Variants in FHIP2A observed in about 807,000 individuals in gnomAD.
FHIP2A encodes FHF complex subunit HOOK interacting protein 2A.
Under a neutral mutation model 93.5 loss-of-function variants are expected in FHIP2A, and 46 were observed. That is an observed-to-expected ratio of 0.49 (90% CI 0.39 to 0.63). The LOEUF is 0.63. Ranked by LOEUF, FHIP2A falls within the 20% of genes least tolerant of loss-of-function variation. The pLI is 0.00. For missense variants in FHIP2A, 769 were observed against 909.7 expected (o/e 0.85, Z 1.99); for synonymous variants, 332 against 326.5 (o/e 1.02, Z -0.18).
rs749103089 is a variant in FHIP2A, at chr10:114,862,925, C to T, written c.*1385C>T. 3.1e-5 allele frequency: 31 copies of T among 985,280 alleles called. No individual in the cohort carries two copies. Among genetic ancestry groups the T allele is most frequent in the South Asian group, 4.7e-5 (1 of 21,284 alleles). The allele number at this position is 985,280 out of a possible 1,614,324, so 61.0% of individuals were successfully genotyped here. The stretch of plus-strand genomic sequence containing the variant: ...ATTTTATGTAGCATGTTTGCATATA[C>T]GCATTGTGTGGCATGTGCATAGAGG... On this transcript the variant is annotated 3_prime_UTR_variant, in exon 17 of 17. Transcript: ENST00000369248.
chr10:114,880,596 C>G (rs1280750559), intron 16 of FHIP2A, among the ~76,000 whole-genome samples: 1 of 151,986 alleles, frequency 6.6e-6, no homozygotes, highest in African/African-American at 2.4e-5. Context: ...AGGAGAATCA[C>G]TTGAACCTGG....
At chr10:114,870,471 C>T (rs1029488711) in intron 16 of FHIP2A, among the ~76,000 whole-genome samples, 1 of 152,150 alleles carries the variant, frequency 6.6e-6, no homozygotes, top group African/African-American at 2.4e-5. Flanking sequence ...GGCTACTCCA[C>T]TTACACAAAG....
At chr10:114,859,800 T>C (rs973130191) in intron 14 of FHIP2A, among the ~76,000 whole-genome samples, 1 of 152,168 alleles carries the variant, frequency 6.6e-6, no homozygotes, top group African/African-American at 2.4e-5. Flanking sequence ...GATATACAGT[T>C]GTTTGGAGAA....
intron 6 of FHIP2A, among the ~76,000 whole-genome samples, 191 bp from the exon 7 acceptor site, chr10:114,843,550 C>T (rs917583135): frequency 4.6e-5 from 7 of 152,076 alleles, no homozygotes; most frequent in African/African-American, 7.2e-5. Flanking sequence ...CTGATCCACC[C>T]GCCTTGGCCT....
At chr10:114,875,214 C>T (rs1251646622) in intron 16 of FHIP2A, among the ~76,000 whole-genome samples, 2 of 152,166 alleles carry the variant, frequency 1.3e-5, no homozygotes, top group Middle Eastern at 3.2e-3. Flanking sequence ...TGCGGAAGGA[C>T]TGCTGTGGAT....
chr10:114,832,504 C>T (rs1046705701), intron 2 of FHIP2A, among the ~76,000 whole-genome samples: 4 of 151,912 alleles, frequency 2.6e-5, no homozygotes, highest in African/African-American at 9.7e-5. Flanking sequence ...ATGTTCAAGG[C>T]CAACCTATTT....
At chr10:114,841,300 T>C (rs1409222292) in intron 5 of FHIP2A, among the ~76,000 whole-genome samples, 1 of 150,620 alleles carries the variant, frequency 6.6e-6, no homozygotes, top group Non-Finnish European at 1.5e-5. Flanking sequence ...TGGTTTTTTT[T>C]TTTTTTTTTT....
At chr10:114,845,884 AAG>A (rs1303816160) in intron 8 of FHIP2A, 127 bp from the exon 9 acceptor site, 45 of 686,592 alleles carry the variant, frequency 6.6e-5, no homozygotes, top group Non-Finnish European at 9.1e-5. Context: ...TGCCACCAAT[AAG>A]AGGGTCATTA....
intron 3 of FHIP2A, 107 bp from the exon 4 acceptor site, chr10:114,835,430 G>A (rs2083631532): frequency 3.3e-6 from 2 of 603,468 alleles, no homozygotes; most frequent in Non-Finnish European, 6.0e-6. Flanking sequence ...TCTTTTCAAG[G>A]TGGAATACAT....
At chr10:114,884,807 G>A (rs912832291) in intron 16 of FHIP2A, among the ~76,000 whole-genome samples, 3 of 151,868 alleles carry the variant, frequency 2.0e-5, no homozygotes, top group African/African-American at 7.3e-5. Context: ...CCAGGTACTT[G>A]GGAGGCTGAG....
intron 16 of FHIP2A, chr10:114,899,413 A>G: frequency 1.4e-6 from 1 of 714,286 alleles, no homozygotes; most frequent in Non-Finnish European, 2.6e-6. Flanking sequence ...ACATAGTTAG[A>G]TCCGTATGCT....
rs999804076 is a variant in FHIP2A at position 114,886,561 on chromosome 10, T to C, written c.2193-12929T>C. Among the ~76,000 whole-genome samples the C allele has an allele frequency of 2.0e-5, 3 of 152,210 alleles. No homozygotes were observed. The East Asian group carries it at 5.8e-4, about 29-fold the overall frequency. On this transcript the variant is annotated intron_variant, in intron 16 of 16. Transcript: ENST00000369250. ...TTTGTGTTTTGGTTTTTGGGTTTTTTTGAGACAGAGTCTCGCTTTGTCACC... is the reference window on the plus strand; with the variant it reads ...TTTGTGTTTTGGTTTTTGGGTTTTTCTGAGACAGAGTCTCGCTTTGTCACC...
rs2083818586 is a variant in FHIP2A at position 114,864,461 on chromosome 10, T to A, written c.*2921T>A. 1.0e-6 allele frequency: 1 copy of A among 985,756 alleles called. No homozygotes were observed. The highest frequency in any genetic ancestry group is 1.7e-5 in the African/African-American group (1 of 57,248). 61.1% of individuals were successfully genotyped at this position (985,756 alleles called of 1,614,324 possible). ...CTGTAAAATAGTGTTACTGTAATAC[T>A]CTGTTTTGCCTCCTGCCTTGTTTAC... On this transcript the variant is annotated 3_prime_UTR_variant, in exon 17 of 17. Coordinates refer to ENST00000369248, the MANE Select transcript of FHIP2A (RefSeq NM_020940.4).
chr10:114,868,467 C>T (rs139799637), downstream of FHIP2A, among the ~76,000 whole-genome samples: 1,039 of 152,190 alleles, frequency 6.8e-3, 8 homozygotes, highest in African/African-American at 0.024. Flanking sequence ...TTCATGAAAC[C>T]AGTCCCTGGT....
intron 13 of FHIP2A, among the ~76,000 whole-genome samples, chr10:114,850,945 G>A (rs537529506): frequency 4.6e-5 from 7 of 152,186 alleles, no homozygotes; most frequent in African/African-American, 9.6e-5. Flanking sequence ...ACAGAGTCGC[G>A]CTCTGTCATC....
At chr10:114,895,401 C>T (rs1011128176) in intron 16 of FHIP2A, among the ~76,000 whole-genome samples, 7 of 152,212 alleles carry the variant, frequency 4.6e-5, no homozygotes, top group East Asian at 1.9e-4. Context: ...ATCACCCCAT[C>T]GCTGCCTGGG....
chr10:114,863,549 AGTT>A lies in FHIP2A; in HGVS notation c.*2015_*2017del. On this transcript the variant is annotated 3_prime_UTR_variant, in exon 17 of 17. Transcript: ENST00000369248. ...TGCTTCTGAAAATATAATTTTTCTA[AGTT>A]GTTGTAATGACTTTAATTTGTAATC... 2 of 1,177,504 alleles carry A rather than the reference AGTT, an allele frequency of 1.7e-6. No individual in the cohort carries two copies. The highest frequency in any genetic ancestry group is 4.3e-5 in the Admixed American group (1 of 23,298). The allele number at this position is 1,177,504 out of a possible 1,614,324, so 72.9% of individuals were successfully genotyped here.
rs71007497 is a variant in FHIP2A, at chr10:114,875,853, AAAAG to A, written c.2192+14533_2192+14536del. On this transcript the variant is annotated intron_variant, in intron 16 of 16. Transcript: ENST00000369250. The stretch of plus-strand genomic sequence containing the variant: ...AAGGTAAGAGAGAAAGAAAGAAAGA[AAAAG>A]AAAGAAAGAAAGAGAAAGAAAGAAA... 7.7e-3 allele frequency among the ~76,000 whole-genome samples: 1,112 copies of A among 143,782 alleles called. 49 individuals are homozygous for A. The highest frequency in any genetic ancestry group is 0.019 in the African/African-American group (720 of 37,158). The allele number at this position is 143,782 out of a possible 152,430, so 94.3% of individuals were successfully genotyped here.
intron 1 of FHIP2A, among the ~76,000 whole-genome samples, chr10:114,826,457 G>A (rs1050513898): frequency 6.6e-5 from 10 of 152,220 alleles, no homozygotes; most frequent in Non-Finnish European, 2.9e-5. Flanking sequence ...ATTAAAATGA[G>A]ATAATGTACA....
Sources: allele counts gnomAD v4.1 joint callset (sites outside exome capture counted in the v4.1 genomes callset), GRCh38; gene constraint gnomAD v4.1.1; transcripts MANE v1.5; gene names NCBI Gene and HGNC (gene_info 2026-07-23, HGNC 2026-07-21).